CD2AP: variants seen among roughly 807,000 people sequenced by gnomAD.
The protein encoded by CD2AP is CD2 associated protein.
A neutral mutation model predicts 85.1 loss-of-function variants in CD2AP; 46 were observed. That is an observed-to-expected ratio of 0.54 (90% CI 0.43 to 0.69). The LOEUF (loss-of-function observed/expected upper bound fraction) is 0.69. Among genes scored for constraint, CD2AP ranks in the 30% least tolerant of loss-of-function variants. The pLI is 0.00. For missense variants in CD2AP, 769 were observed against 729.5 expected (o/e 1.05, Z -0.62); for synonymous variants, 255 against 252.9 (o/e 1.01, Z -0.08).
chr6:47,558,069 T>A (rs1242634527), intron 5 of CD2AP, among the ~76,000 whole-genome samples: 1 of 152,174 alleles, frequency 6.6e-6, no homozygotes, highest in Non-Finnish European at 1.5e-5. Flanking sequence ...TTCCTAGGTA[T>A]TTTATTCCTT....
intron 2 of CD2AP, among the ~76,000 whole-genome samples, chr6:47,511,953 T>C (rs1438185152): frequency 6.6e-6 from 1 of 151,876 alleles, no homozygotes; most frequent in East Asian, 1.9e-4. Context: ...GGTCAGGAGA[T>C]TGGGACCATC....
intron 1 of CD2AP, among the ~76,000 whole-genome samples, chr6:47,478,745 A>G (rs1765374887): frequency 6.6e-6 from 1 of 151,828 alleles, no homozygotes; most frequent in Non-Finnish European, 1.5e-5. Context: ...TCCTGCTGAA[A>G]CTCGCAAGGG....
intron 5 of CD2AP, among the ~76,000 whole-genome samples, chr6:47,564,914 A>G (rs573724319): frequency 1.2e-3 from 183 of 152,028 alleles, no homozygotes; most frequent in Admixed American, 1.7e-3. Flanking sequence ...ATTTGATTAT[A>G]TCATATAGTT....
At chr6:47,528,486 T>G (rs191737305) in intron 2 of CD2AP, among the ~76,000 whole-genome samples, 1 of 152,362 alleles carries the variant, frequency 6.6e-6, no homozygotes, top group Admixed American at 6.5e-5. Context: ...GTTCATTTAT[T>G]ATATATGGAA....
intron 2 of CD2AP, among the ~76,000 whole-genome samples, chr6:47,521,601 C>T (rs546598183): frequency 6.6e-6 from 1 of 152,088 alleles, no homozygotes; most frequent in Non-Finnish European, 1.5e-5. Context: ...TGTTATTAAG[C>T]TAGTGTTTGG....
intron 3 of CD2AP, among the ~76,000 whole-genome samples, chr6:47,537,362 G>T (rs990594924): frequency 3.9e-5 from 6 of 152,094 alleles, no homozygotes; most frequent in African/African-American, 1.4e-4. Context: ...ATTCTGACTG[G>T]TAAGGAGAAA....
intron 3 of CD2AP, among the ~76,000 whole-genome samples, chr6:47,538,055 A>G (rs183373612): frequency 7.9e-5 from 12 of 151,994 alleles, no homozygotes; most frequent in African/African-American, 2.7e-4. Context: ...CGGGCAAGAA[A>G]ATTTTTTAAA....
intron 3 of CD2AP, among the ~76,000 whole-genome samples, chr6:47,537,059 T>A (rs994391058): frequency 6.6e-6 from 1 of 152,194 alleles, no homozygotes; most frequent in African/African-American, 2.4e-5. Flanking sequence ...TAGTTAATTA[T>A]TTTGAGTGTA....
At chr6:47,582,308 TA>T (rs1436849675) in intron 11 of CD2AP, 2 of 361,402 alleles carry the variant, frequency 5.5e-6, no homozygotes, top group Non-Finnish European at 1.0e-5. Context: ...TCACAGACTG[TA>T]TAAGAAAACT....
At chr6:47,553,684 C>T (rs1321740557) in intron 4 of CD2AP, among the ~76,000 whole-genome samples, 1 of 151,846 alleles carries the variant, frequency 6.6e-6, no homozygotes, top group Non-Finnish European at 1.5e-5. Context: ...TGTTTTTAAC[C>T]TGTGAGCACT....
intron 3 of CD2AP, among the ~76,000 whole-genome samples, chr6:47,536,391 A>G (rs376056600): frequency 6.6e-6 from 1 of 152,324 alleles, no homozygotes; most frequent in East Asian, 1.9e-4. Flanking sequence ...CATAAGGTTA[A>G]TAGTGTAAAC....
chr6:47,505,011 CTTTTTTTTTTTTT>C (rs58060161), intron 2 of CD2AP, among the ~76,000 whole-genome samples: 19 of 95,116 alleles, frequency 2.0e-4, no homozygotes, highest in African/African-American at 2.5e-4. Context: ...GTGGCAGTTT[CTTTTTTTTTTTTT>C]TTTTTTTTTT....
intron 4 of CD2AP, among the ~76,000 whole-genome samples, chr6:47,553,816 A>C (rs990684692): frequency 1.3e-5 from 2 of 152,074 alleles, no homozygotes; most frequent in African/African-American, 4.8e-5. Context: ...ATTCATGAGG[A>C]TATATCTGTT....
At chr6:47,528,890 A>G (rs962022928) in intron 2 of CD2AP, among the ~76,000 whole-genome samples, 1 of 152,092 alleles carries the variant, frequency 6.6e-6, no homozygotes, top group African/African-American at 2.4e-5. Context: ...ATTTCTTTGT[A>G]TATCTCAAAT....
chr6:47,579,544 T>C, intron 9 of CD2AP, 55 bp downstream of exon 9: 1 of 1,162,202 alleles, frequency 8.6e-7, no homozygotes, highest in East Asian at 2.4e-5. Flanking sequence ...TTGCCACTAT[T>C]CTTTTGCAAA....
chr6:47,537,369 GAA>G (rs1270934285), intron 3 of CD2AP, among the ~76,000 whole-genome samples: 1 of 152,094 alleles, frequency 6.6e-6, no homozygotes, highest in Admixed American at 6.5e-5. Flanking sequence ...CTGGTAAGGA[GAA>G]AAAGACTCAC....
intron 5 of CD2AP, among the ~76,000 whole-genome samples, chr6:47,555,583 T>A (rs889028719): frequency 1.3e-5 from 2 of 152,188 alleles, no homozygotes; most frequent in African/African-American, 4.8e-5. Context: ...AATGCAAATA[T>A]ATGAAAACTA....
intron 11 of CD2AP, among the ~76,000 whole-genome samples, chr6:47,595,183 T>C (rs1329174756): frequency 6.6e-6 from 1 of 151,964 alleles, no homozygotes; most frequent in African/African-American, 2.4e-5. Context: ...GGTGATAAAA[T>C]TGTCTTTATT....
chr6:47,619,793 T>C (rs1052756625), intron 17 of CD2AP, among the ~76,000 whole-genome samples: 11 of 152,230 alleles, frequency 7.2e-5, no homozygotes, highest in Non-Finnish European at 5.9e-5. Context: ...CGGATTGTGG[T>C]TTTGATTTAC....
Sources: allele counts gnomAD v4.1 joint callset (sites outside exome capture counted in the v4.1 genomes callset), GRCh38; gene constraint gnomAD v4.1.1; transcripts MANE v1.5; gene names NCBI Gene and HGNC (gene_info 2026-07-23, HGNC 2026-07-21).